Variants in PCSK2 observed in about 807,000 individuals in gnomAD.
The protein encoded by PCSK2 is neuroendocrine convertase 2.
Under a neutral mutation model 69.7 loss-of-function variants are expected in PCSK2, and 14 were observed. That is an observed-to-expected ratio of 0.20 (90% CI 0.13 to 0.31). The LOEUF (loss-of-function observed/expected upper bound fraction) is 0.31. Among genes scored for constraint, PCSK2 ranks in the 10% least tolerant of loss-of-function variants. PCSK2 has a pLI of 1.00. For missense variants in PCSK2, 544 were observed against 842.5 expected (o/e 0.65, Z 4.39); for synonymous variants, 307 against 320.7 (o/e 0.96, Z 0.46).
At chr20:17,434,391 C>T (rs1325540865) in intron 7 of PCSK2, among the ~76,000 whole-genome samples, 1 of 151,984 alleles carries the variant, frequency 6.6e-6, no homozygotes, top group Non-Finnish European at 1.5e-5. Context: ...CAGTTGCTTG[C>T]AAAATTAATA....
At chr20:17,407,207 C>T (rs915120862) in intron 5 of PCSK2, among the ~76,000 whole-genome samples, 1 of 152,150 alleles carries the variant, frequency 6.6e-6, no homozygotes, top group Non-Finnish European at 1.5e-5. Flanking sequence ...TGAGCTGAGT[C>T]CCAGGCCTCT....
intron 1 of PCSK2, among the ~76,000 whole-genome samples, chr20:17,252,729 A>G (rs575978479): frequency 2.6e-4 from 39 of 152,212 alleles, no homozygotes; most frequent in Non-Finnish European, 5.3e-4. Flanking sequence ...AGCTATTTGT[A>G]GGCTGAGACC....
intron 2 of PCSK2, among the ~76,000 whole-genome samples, chr20:17,319,653 G>A (rs191676811): frequency 3.4e-4 from 51 of 152,114 alleles, no homozygotes; most frequent in African/African-American, 1.2e-3. Context: ...GGCCAGTATG[G>A]GCAGGAAATC....
intron 5 of PCSK2, among the ~76,000 whole-genome samples, chr20:17,395,952 C>G (rs942547655): frequency 1.3e-5 from 2 of 152,156 alleles, no homozygotes; most frequent in Non-Finnish European, 2.9e-5. Context: ...AAACTAGTGT[C>G]TCTGTCTCTC....
intron 5 of PCSK2, among the ~76,000 whole-genome samples, chr20:17,391,898 A>AAC (rs2031382918): frequency 2.2e-5 from 3 of 138,764 alleles, no homozygotes; most frequent in Admixed American, 7.2e-5. Context: ...GAGAGAGAGA[A>AAC]AGAGAGAGAG....
At chr20:17,361,612 G>C (rs896906268) in intron 4 of PCSK2, among the ~76,000 whole-genome samples, 6 of 152,172 alleles carry the variant, frequency 3.9e-5, no homozygotes, top group African/African-American at 1.2e-4. Context: ...TCAAAGAACA[G>C]AACACTATGT....
At chr20:17,271,155 A>G (rs1987850662) in intron 2 of PCSK2, among the ~76,000 whole-genome samples, 2 of 152,124 alleles carry the variant, frequency 1.3e-5, no homozygotes, top group Admixed American at 1.3e-4. Flanking sequence ...TGCAAGAACT[A>G]GCATTTATAT....
chr20:17,284,909 C>A (rs1988459215), intron 2 of PCSK2, among the ~76,000 whole-genome samples: 1 of 152,178 alleles, frequency 6.6e-6, no homozygotes, highest in African/African-American at 2.4e-5. Context: ...GATTTCATTA[C>A]TCTGTGGGGG....
chr20:17,436,552 G>A (rs2032487994), intron 7 of PCSK2, among the ~76,000 whole-genome samples, 156 bp from the exon 8 acceptor site: 1 of 152,210 alleles, frequency 6.6e-6, no homozygotes, highest in African/African-American at 2.4e-5. Flanking sequence ...AGGACCGTCT[G>A]TGCCTCTTTC....
chr20:17,253,070 T>C (rs1258946627), intron 1 of PCSK2, among the ~76,000 whole-genome samples: 1 of 152,170 alleles, frequency 6.6e-6, no homozygotes, highest in Non-Finnish European at 1.5e-5. Context: ...GAAGTATCTA[T>C]CAAAATGATA....
intron 2 of PCSK2, among the ~76,000 whole-genome samples, chr20:17,277,117 C>G (rs902533471): frequency 1.3e-5 from 2 of 152,014 alleles, no homozygotes; most frequent in Non-Finnish European, 2.9e-5. Flanking sequence ...TAGGAAGAAT[C>G]AATATTGTGA....
chr20:17,255,818 G>A (rs1431410750), intron 1 of PCSK2, among the ~76,000 whole-genome samples: 1 of 152,030 alleles, frequency 6.6e-6, no homozygotes, highest in Non-Finnish European at 1.5e-5. Flanking sequence ...ATCCTACTTG[G>A]TTATGATGAA....
intron 1 of PCSK2, among the ~76,000 whole-genome samples, chr20:17,256,310 T>C (rs937162390): frequency 6.6e-6 from 1 of 152,144 alleles, no homozygotes; most frequent in African/African-American, 2.4e-5. Context: ...TTTGAACATA[T>C]GTCTGGGTAT....
chr20:17,232,939 G>A (rs758034695), intron 1 of PCSK2, among the ~76,000 whole-genome samples: 8 of 152,166 alleles, frequency 5.3e-5, no homozygotes, highest in Non-Finnish European at 8.8e-5. Context: ...TGCTTCCCTA[G>A]ACATGGCTGC....
intron 4 of PCSK2, among the ~76,000 whole-genome samples, chr20:17,365,459 C>T (rs555462797): frequency 3.9e-5 from 6 of 152,270 alleles, no homozygotes; most frequent in African/African-American, 1.4e-4. Context: ...ACCACCCCCC[C>T]GAAAATTTGT....
intron 8 of PCSK2, among the ~76,000 whole-genome samples, chr20:17,441,825 C>T (rs2032603874): frequency 6.6e-6 from 1 of 152,088 alleles, no homozygotes; most frequent in Non-Finnish European, 1.5e-5. Context: ...AGCCAAACGG[C>T]ATCAGCACCT....
chr20:17,357,605 C>G (rs1367349241), intron 2 of PCSK2, among the ~76,000 whole-genome samples: 1 of 152,158 alleles, frequency 6.6e-6, no homozygotes, highest in Non-Finnish European at 1.5e-5. Context: ...TTTAAGAATA[C>G]TTTACTCAGC....
chr20:17,259,936 G>C (rs184035426), intron 1 of PCSK2, among the ~76,000 whole-genome samples: 5 of 152,150 alleles, frequency 3.3e-5, no homozygotes, highest in Admixed American at 3.3e-4. Flanking sequence ...GAATGTAAAG[G>C]CAAGGCTCCA....
chr20:17,416,757 G>A (rs1262391360), intron 6 of PCSK2, among the ~76,000 whole-genome samples: 1 of 152,140 alleles, frequency 6.6e-6, no homozygotes, highest in African/African-American at 2.4e-5. Context: ...CAATAGCAAA[G>A]ACTTGGAACC....
Sources: gnomAD v4.1 joint callset for allele counts (sites outside exome capture counted in the v4.1 genomes callset) on GRCh38, gnomAD v4.1.1 for gene constraint, MANE v1.5 for transcripts, NCBI Gene and HGNC (gene_info 2026-07-23, HGNC 2026-07-21) for gene names.